Variants in KCNU1 observed in about 807,000 individuals in gnomAD.
KCNU1 encodes the protein potassium channel subfamily U member 1.
In KCNU1, 93 loss-of-function variants were observed where a neutral mutation model predicts 126.8. That is an observed-to-expected ratio of 0.73 (90% confidence interval 0.62 to 0.87). The LOEUF (loss-of-function observed/expected upper bound fraction) is 0.87, where lower values mean the gene tolerates loss of function less well. Ranked by LOEUF, KCNU1 falls within the 40% of genes least tolerant of loss-of-function variation. The probability of loss-of-function intolerance (pLI) is 0.00; values close to 1 mark genes in which losing one functional copy is unlikely to be tolerated. For synonymous variants in KCNU1, 523 were observed against 494.2 expected (o/e 1.06, Z -0.77); for missense variants, 1,330 against 1,367.1 (o/e 0.97, Z 0.43).
intron 19 of KCNU1, among the ~76,000 whole-genome samples, chr8:36,878,960 T>C (rs1424581270): frequency 6.8e-6 from 1 of 147,606 alleles, no homozygotes; most frequent in Non-Finnish European, 1.5e-5. Context: ...TATAGGAAAA[T>C]TCAGACTGGC....
chr8:36,834,841 A>G lies in KCNU1; in HGVS notation c.1268A>G (p.His423Arg). 1 of 1,611,350 alleles carries G rather than the reference A, an allele frequency of 6.2e-7. No homozygotes were observed. The highest frequency in any genetic ancestry group is 1.7e-5 in the Admixed American group (1 of 59,884). The change falls in exon 12 of 27, where the codon CAT (histidine) becomes CGT (arginine). Residue 423 changes from histidine (H) to arginine (R), a missense_variant. Coordinates refer to ENST00000399881, the MANE Select transcript of KCNU1 (RefSeq NM_001031836.3). ...GCCAATCCTTTGTGCAGTGATTCCC[A>G]TGCTGAAGATATTTCCAACATTATG... is the stretch of plus-strand genomic sequence containing the variant. ...IIANPLCSDS[H>R]AEDISNIMRV...
intron 18 of KCNU1, among the ~76,000 whole-genome samples, chr8:36,852,817 A>G (rs577907775): frequency 5.9e-5 from 9 of 151,964 alleles, no homozygotes; most frequent in Non-Finnish European, 1.2e-4. Flanking sequence ...TCTTTTTTGC[A>G]GCTAAACTTG....
intron 19 of KCNU1, among the ~76,000 whole-genome samples, chr8:36,877,816 A>T (rs1200591904): frequency 6.6e-6 from 1 of 152,178 alleles, no homozygotes; most frequent in African/African-American, 2.4e-5. Flanking sequence ...ATGAGATCAA[A>T]ATCCTTAACA....
At chr8:36,805,311 G>A (rs2130415012) in intron 4 of KCNU1, 26 bp downstream of exon 4, 1 of 1,379,120 alleles carries the variant, frequency 7.3e-7, no homozygotes. Context: ...AAGTGGGAGT[G>A]AATATCCAAA....
rs559527235 is a variant in KCNU1, at chr8:36,890,403, C to T, written c.2010-15305C>T. Reference sequence around the variant, plus strand: ...GTTGGAAATACTCTGCAATAAGCTACATGCACTATACATTAGGCAGTGTAG... The same window carrying T: ...GTTGGAAATACTCTGCAATAAGCTATATGCACTATACATTAGGCAGTGTAG... On this transcript the variant is annotated intron_variant, in intron 19 of 26. Coordinates refer to ENST00000399881, the MANE Select transcript of KCNU1 (RefSeq NM_001031836.3). 2.4e-3 allele frequency among the ~76,000 whole-genome samples: 363 copies of T among 152,048 alleles called. 1 individual carries two copies. Among genetic ancestry groups the T allele is most frequent in the African/African-American group, 8.1e-3 (338 of 41,526 alleles).
At chr8:36,932,473 T>G (rs2117618071) in intron 25 of KCNU1, among the ~76,000 whole-genome samples, 1 of 152,246 alleles carries the variant, frequency 6.6e-6, no homozygotes, top group East Asian at 1.9e-4. Context: ...ATGATCTTGT[T>G]GGCTATAGCC....
At chr8:36,805,105 A>T in intron 3 of KCNU1, 90 bp from the exon 4 acceptor site, 1 of 829,194 alleles carries the variant, frequency 1.2e-6, no homozygotes, top group Non-Finnish European at 1.9e-6. Context: ...AATAAAGAAA[A>T]ATTTTCCTAT....
chr8:36,909,203 A>G lies in KCNU1; in HGVS notation c.2107-108A>G. The G allele has an allele frequency of 7.0e-6, 5 of 715,736 alleles. No homozygotes were observed. In the South Asian group the frequency reaches 8.7e-5, roughly 12 times the overall value. The allele number at this position is 715,736 out of a possible 1,614,324, so 44.3% of individuals were successfully genotyped here. A position where few individuals can be genotyped will look rare whatever the true frequency, so the allele number is the denominator to read the frequency against. On this transcript the variant is annotated intron_variant, in intron 20 of 26. Coordinates refer to ENST00000399881, the MANE Select transcript of KCNU1 (RefSeq NM_001031836.3). ...AAAATTCTATTCACCTTATGAAAGTAGAGCTGTGGATGTACCTAGAAGAAT... is the reference window on the plus strand; with the variant it reads ...AAAATTCTATTCACCTTATGAAAGTGGAGCTGTGGATGTACCTAGAAGAAT...
At chr8:36,901,862 C>T (rs1234527897) in intron 19 of KCNU1, among the ~76,000 whole-genome samples, 1 of 152,158 alleles carries the variant, frequency 6.6e-6, no homozygotes, top group African/African-American at 2.4e-5. Context: ...GCCCCCTCCA[C>T]CTTGGTCAGG....
chr8:36,822,416 C>T (rs184758699), intron 10 of KCNU1, among the ~76,000 whole-genome samples: 2 of 152,120 alleles, frequency 1.3e-5, no homozygotes, highest in East Asian at 3.9e-4. Flanking sequence ...AGGACTCTAA[C>T]AAAACCACAG....
rs199829004 is a variant in KCNU1 at position 36,814,364 on chromosome 8, C to T, written c.890C>T (p.Thr297Ile). ...SLGRTFIMFF[T>I]LGSLILFANY... is the part of the protein sequence containing the mutation. ...GGACGGACCTTCATCATGTTCTTCACACTGGGGAGTTTGGTGAAGAATATT... is the reference window on the plus strand; with the variant it reads ...GGACGGACCTTCATCATGTTCTTCATACTGGGGAGTTTGGTGAAGAATATT... Residue 297 changes from threonine (T) to isoleucine (I), a missense_variant, in exon 8 of 27, where the codon ACA becomes ATA. Physicochemically the swap from Thr to Ile is moderately conservative, Grantham distance 89 (BLOSUM62 -1). Around this residue, in one of 3 missense-constraint regions of KCNU1, gnomAD observed 1,054 missense variants for 1,053.9 expected, o/e 1.00. Transcript: ENST00000399881. The T allele has an allele frequency of 4.3e-4, 696 of 1,609,328 alleles. No homozygotes were observed. Among genetic ancestry groups the T allele is most frequent in the Non-Finnish European group, 5.6e-4 (664 of 1,177,010 alleles).
chr8:36,860,649 A>G (rs1805695393), intron 18 of KCNU1, among the ~76,000 whole-genome samples: 1 of 152,190 alleles, frequency 6.6e-6, no homozygotes, highest in South Asian at 2.1e-4. Context: ...AATGGGCAAT[A>G]TGAAAATAGC....
intron 10 of KCNU1, among the ~76,000 whole-genome samples, chr8:36,832,108 C>T (rs1251137229): frequency 6.6e-6 from 1 of 152,124 alleles, no homozygotes. Context: ...CTGTTCTGTT[C>T]CATTGATCTA....
rs573993660 is a variant in KCNU1 at position 36,804,861 on chromosome 8, TGA to T, written c.378-333_378-332del. Among the ~76,000 whole-genome samples the T allele has an allele frequency of 4.3e-3, 650 of 152,274 alleles. 6 individuals carry two copies. Among genetic ancestry groups the T allele is most frequent in the African/African-American group, 0.015 (612 of 41,560 alleles). On this transcript the variant is annotated intron_variant, in intron 3 of 26. Transcript: ENST00000399881. ...AGAAGAGAATTAATTCAAAATATAC[TGA>T]CTAGATAGATGATCTTGCAAACCAA...
intron 16 of KCNU1, among the ~76,000 whole-genome samples, chr8:36,845,220 T>C (rs1805098946): frequency 6.6e-6 from 1 of 152,150 alleles, no homozygotes; most frequent in Non-Finnish European, 1.5e-5. Flanking sequence ...GCCTGGCAAT[T>C]GTGTGGTCTC....
intron 19 of KCNU1, among the ~76,000 whole-genome samples, chr8:36,893,594 G>T (rs556903244): frequency 6.6e-6 from 1 of 151,998 alleles, no homozygotes; most frequent in African/African-American, 2.4e-5. Flanking sequence ...CAGAGCTACT[G>T]TTATTGTAAG....
At chr8:36,915,970 G>T (rs1175261545) in intron 22 of KCNU1, among the ~76,000 whole-genome samples, 1 of 149,724 alleles carries the variant, frequency 6.7e-6, no homozygotes, top group Non-Finnish European at 1.5e-5. Flanking sequence ...AGGAAGAAAA[G>T]GGAAGAAGGA....
intron 1 of KCNU1, 44 bp downstream of exon 1, chr8:36,784,649 G>A: frequency 6.9e-7 from 1 of 1,446,420 alleles, no homozygotes. Context: ...AGTCAGAGAT[G>A]AGTTTGGGGT....
chr8:36,823,550 A>C (rs1164808633), intron 10 of KCNU1, among the ~76,000 whole-genome samples: 3 of 152,110 alleles, frequency 2.0e-5, no homozygotes, highest in Non-Finnish European at 4.4e-5. Context: ...AAAAGTGTAT[A>C]AGGATAACAG....
Sources: gnomAD v4.1 joint callset for allele counts (sites outside exome capture counted in the v4.1 genomes callset) on GRCh38, gnomAD v4.1.1 for gene constraint, gnomAD v4.1.1 regional missense constraint, MANE v1.5 for transcripts, NCBI Gene and HGNC (gene_info 2026-07-23, HGNC 2026-07-21) for gene names.